The following LRMDA variants were observed in gnomAD, a reference collection of about 807,000 sequenced individuals.
LRMDA encodes the protein leucine rich melanocyte differentiation associated.
A neutral mutation model predicts 29.8 loss-of-function variants in LRMDA; 18 were observed. The observed-to-expected ratio is 0.60, with a 90% confidence interval of 0.42 to 0.90. The LOEUF is 0.90. Among genes scored for constraint, LRMDA ranks in the 40% least tolerant of loss-of-function variants. The probability of loss-of-function intolerance (pLI) is 0.00; values close to 1 mark genes in which losing one functional copy is unlikely to be tolerated. For missense variants in LRMDA, 273 were observed against 273.9 expected, an observed-to-expected ratio of 1.00 and a Z score of 0.02; for synonymous variants, 125 against 109.4, an observed-to-expected ratio of 1.14 and a Z score of -0.89.
At chr10:76,210,153 C>T (rs1851610192) in intron 5 of LRMDA, among the ~76,000 whole-genome samples, 1 of 152,150 alleles carries the variant, frequency 6.6e-6, no homozygotes, top group African/African-American at 2.4e-5. Flanking sequence ...AACATTCAAT[C>T]AGTTAAAAAT....
chr10:76,065,613 G>A (rs915942277), intron 5 of LRMDA, among the ~76,000 whole-genome samples: 1 of 152,244 alleles, frequency 6.6e-6, no homozygotes, highest in Non-Finnish European at 1.5e-5. Context: ...ATGGAAGTAA[G>A]TAGCATTTTT....
chr10:76,372,836 T>C (rs1841470990), intron 6 of LRMDA, among the ~76,000 whole-genome samples: 1 of 152,110 alleles, frequency 6.6e-6, no homozygotes, highest in Non-Finnish European at 1.5e-5. Flanking sequence ...TATTATTTTG[T>C]GGCTTCAGCT....
chr10:76,052,716 A>G (rs1399360436), intron 4 of LRMDA, among the ~76,000 whole-genome samples: 1 of 152,180 alleles, frequency 6.6e-6, no homozygotes, highest in Non-Finnish European at 1.5e-5. Context: ...GATTTAGGAA[A>G]TCTGTTTCCA....
At chr10:76,315,912 A>G (rs1840691240) in intron 5 of LRMDA, among the ~76,000 whole-genome samples, 1 of 152,008 alleles carries the variant, frequency 6.6e-6, no homozygotes, top group African/African-American at 2.4e-5. Context: ...TCCCCACTCC[A>G]ATGACCTGCC....
intron 2 of LRMDA, among the ~76,000 whole-genome samples, chr10:75,766,334 G>C (rs1373469381): frequency 6.6e-6 from 1 of 152,136 alleles, no homozygotes; most frequent in Non-Finnish European, 1.5e-5. Flanking sequence ...TGGGTTTGCT[G>C]GTCTGTCCCA....
chr10:75,579,956 G>A (rs563690456), intron 2 of LRMDA, among the ~76,000 whole-genome samples: 5 of 152,276 alleles, frequency 3.3e-5, no homozygotes, highest in African/African-American at 1.2e-4. Flanking sequence ...CAAACCCACA[G>A]CCAATATCAT....
intron 2 of LRMDA, among the ~76,000 whole-genome samples, chr10:75,877,878 A>G (rs1845226359): frequency 6.6e-6 from 1 of 151,964 alleles, no homozygotes; most frequent in African/African-American, 2.4e-5. Context: ...AGCAGACTGG[A>G]ACCTTTCTCG....
At chr10:75,942,248 T>G (rs182648758) in intron 2 of LRMDA, among the ~76,000 whole-genome samples, 2 of 152,224 alleles carry the variant, frequency 1.3e-5, no homozygotes, top group African/African-American at 4.8e-5. Context: ...AGCTAAGTGG[T>G]GAGTATTCAT....
chr10:75,655,127 C>T (rs1430343), intron 2 of LRMDA, among the ~76,000 whole-genome samples: 2,069 of 152,232 alleles, frequency 0.014, 59 homozygotes, highest in African/African-American at 0.047. Flanking sequence ...TTGAGAACCT[C>T]GACATTTTAA....
At chr10:75,952,207 T>G (rs2132420951) in intron 2 of LRMDA, among the ~76,000 whole-genome samples, 1 of 152,196 alleles carries the variant, frequency 6.6e-6, no homozygotes, top group Middle Eastern at 3.4e-3. Context: ...TTGCTCCTCG[T>G]TTTATTTTCT....
intron 2 of LRMDA, among the ~76,000 whole-genome samples, chr10:75,954,677 T>C (rs1846635172): frequency 6.6e-6 from 1 of 152,184 alleles, no homozygotes; most frequent in South Asian, 2.1e-4. Flanking sequence ...TAAGTCTAGT[T>C]ATTGTCTGAA....
intron 5 of LRMDA, among the ~76,000 whole-genome samples, chr10:76,284,425 C>T (rs1038946235): frequency 6.6e-6 from 1 of 152,114 alleles, no homozygotes; most frequent in African/African-American, 2.4e-5. Flanking sequence ...GGCAAGGAAA[C>T]GTGTTCTCCC....
At chr10:76,492,429 C>T (rs1245810822) in intron 6 of LRMDA, among the ~76,000 whole-genome samples, 1 of 152,054 alleles carries the variant, frequency 6.6e-6, no homozygotes, top group Admixed American at 6.6e-5. Context: ...TAACACTATG[C>T]TTCTTGCAGA....
chr10:75,739,758 A>G (rs1842807422), intron 2 of LRMDA, among the ~76,000 whole-genome samples: 1 of 152,186 alleles, frequency 6.6e-6, no homozygotes, highest in African/African-American at 2.4e-5. Flanking sequence ...TCTTTGTTAC[A>G]TGTCCTATTT....
At chr10:76,396,014 T>C (rs892778398) in intron 6 of LRMDA, among the ~76,000 whole-genome samples, 6 of 152,224 alleles carry the variant, frequency 3.9e-5, no homozygotes, top group African/African-American at 1.4e-4. Flanking sequence ...AAGATTGGAA[T>C]CCAATTAGTA....
At chr10:76,065,224 C>T (rs914773506) in intron 5 of LRMDA, among the ~76,000 whole-genome samples, 1 of 152,186 alleles carries the variant, frequency 6.6e-6, no homozygotes, top group Non-Finnish European at 1.5e-5. Flanking sequence ...CAAGCAAATG[C>T]TTTTGGAGTA....
chr10:75,894,087 A>G (rs1845542878), intron 2 of LRMDA, among the ~76,000 whole-genome samples: 1 of 151,958 alleles, frequency 6.6e-6, no homozygotes, highest in Non-Finnish European at 1.5e-5. Context: ...TATATGAGTC[A>G]GTTCTTTAGT....
chr10:76,085,861 T>C (rs1370490616), intron 5 of LRMDA, among the ~76,000 whole-genome samples: 2 of 152,196 alleles, frequency 1.3e-5, no homozygotes, highest in African/African-American at 4.8e-5. Flanking sequence ...CTCTTCCTCA[T>C]GAAGGATTTC....
At chr10:76,071,453 A>G (rs758819205) in intron 5 of LRMDA, among the ~76,000 whole-genome samples, 2 of 152,242 alleles carry the variant, frequency 1.3e-5, no homozygotes, top group African/African-American at 2.4e-5. Flanking sequence ...AGAAGATTAG[A>G]TTACAAAATA....
Sources: gnomAD v4.1 joint callset for allele counts (sites outside exome capture counted in the v4.1 genomes callset) on GRCh38, gnomAD v4.1.1 for gene constraint, MANE v1.5 for transcripts, NCBI Gene and HGNC (gene_info 2026-07-23, HGNC 2026-07-21) for gene names.